GDPD1: variants seen among roughly 807,000 people sequenced by gnomAD.
GDPD1 encodes lysophospholipase D GDPD1.
GDPD1 carries 28 observed loss-of-function variants against 45.1 expected under a neutral mutation model. The ratio of observed to expected loss-of-function variants is 0.62; its 90% CI spans 0.46 to 0.85. The LOEUF is 0.85. Ranked by LOEUF, GDPD1 falls within the 40% of genes least tolerant of loss-of-function variation. GDPD1 has a pLI of 0.00. For synonymous variants in GDPD1, 139 were observed against 131.4 expected (o/e 1.06, Z -0.40); for missense variants, 256 against 364.8 (o/e 0.70, Z 2.43).
intron 7 of GDPD1, among the ~76,000 whole-genome samples, chr17:59,270,391 G>A (rs77369847): frequency 1.3e-5 from 2 of 151,474 alleles, no homozygotes; most frequent in African/African-American, 4.9e-5. Flanking sequence ...ACGGGGGGGG[G>A]TTTCACTATG....
chr17:59,225,231 A>G (rs1051611362), intron 1 of GDPD1, among the ~76,000 whole-genome samples: 1 of 151,302 alleles, frequency 6.6e-6, no homozygotes, highest in African/African-American at 2.4e-5. Context: ...AGCTGGGGTT[A>G]CAGGTGGTGC....
chr17:59,233,235 C>T (rs1347668729), intron 1 of GDPD1, among the ~76,000 whole-genome samples: 2 of 148,970 alleles, frequency 1.3e-5, no homozygotes, highest in Non-Finnish European at 3.0e-5. Flanking sequence ...CAAAACAGGC[C>T]GGGCGCGGTG....
At chr17:59,235,475 C>T (rs1188333138) in intron 2 of GDPD1, among the ~76,000 whole-genome samples, 1 of 152,144 alleles carries the variant, frequency 6.6e-6, no homozygotes, top group African/African-American at 2.4e-5. Context: ...TTGTTCTATA[C>T]TATGATGCCT....
At chr17:59,222,888 C>T (rs999300851) in intron 1 of GDPD1, among the ~76,000 whole-genome samples, 1 of 152,070 alleles carries the variant, frequency 6.6e-6, no homozygotes, top group African/African-American at 2.4e-5. Flanking sequence ...TTGTTGTTTA[C>T]CGATTTACAA....
intron 6 of GDPD1, among the ~76,000 whole-genome samples, chr17:59,263,175 G>A (rs1472448573): frequency 2.0e-5 from 3 of 152,018 alleles, no homozygotes; most frequent in Non-Finnish European, 4.4e-5. Flanking sequence ...TATACTACAG[G>A]TATGTACCAC....
intron 1 of GDPD1, 98 bp from the exon 2 acceptor site, chr17:59,234,394 A>G: frequency 1.3e-6 from 1 of 771,690 alleles, no homozygotes; most frequent in East Asian, 2.7e-5. Flanking sequence ...CCCCAAAAAA[A>G]AAAAAAAGGT....
chr17:59,257,146 A>T lies in GDPD1; in HGVS notation c.392A>T (p.Asn131Ile), dbSNP rs1457454680. The change falls in exon 5 of 10, where the codon AAC (asparagine) becomes ATC (isoleucine). Residue 131 changes from asparagine (N) to isoleucine (I), a missense_variant. Physicochemically the swap from Asn to Ile is moderately radical, Grantham distance 149. Coordinates refer to ENST00000284116, the MANE Select transcript of GDPD1 (RefSeq NM_182569.4). ...GCATGCCAGTGTGAAGGAAAAGATA[A>T]CCGAATTCCATTACTGAAGGAAGTT... ...QRACQCEGKD[N>I]RIPLLKEVFE... The T allele has an allele frequency of 8.1e-6, 13 of 1,598,888 alleles. No individual in the cohort carries two copies. The highest frequency in any genetic ancestry group is 1.3e-5 in the African/African-American group (1 of 74,496).
intron 6 of GDPD1, among the ~76,000 whole-genome samples, chr17:59,259,027 A>G (rs890698010): frequency 1.7e-4 from 25 of 151,384 alleles, no homozygotes; most frequent in African/African-American, 5.6e-4. Context: ...TCCTGAGAAC[A>G]TGTGCCTATT....
At chr17:59,247,676 C>G (rs1469651230) in intron 3 of GDPD1, among the ~76,000 whole-genome samples, 1 of 151,956 alleles carries the variant, frequency 6.6e-6, no homozygotes, top group African/African-American at 2.4e-5. Context: ...GTCACCCAGG[C>G]TGGAGTGCAA....
At chr17:59,225,241 C>T (rs2047038980) in intron 1 of GDPD1, among the ~76,000 whole-genome samples, 1 of 151,574 alleles carries the variant, frequency 6.6e-6, no homozygotes, top group African/African-American at 2.4e-5. Flanking sequence ...ACAGGTGGTG[C>T]CACCACGCCC....
At position 59,271,598 on chromosome 17, in the gene GDPD1, T is replaced by A. The variant is rs184721466; in HGVS notation, c.770+603T>A. ...TCACAACTTTTTATTATTTAACGCC[T>A]TTTCTTCTTATTTTATTTTATTTTA... On this transcript the variant is annotated intron_variant, in intron 8 of 9. Transcript: ENST00000284116. 9.8e-3 allele frequency among the ~76,000 whole-genome samples: 1,446 copies of A among 146,898 alleles called. 14 individuals are homozygous for A. The highest frequency in any genetic ancestry group is 0.015 in the Non-Finnish European group (1,006 of 67,524).
At chr17:59,260,000 G>A (rs1262443368) in intron 6 of GDPD1, among the ~76,000 whole-genome samples, 1 of 125,452 alleles carries the variant, frequency 8.0e-6, no homozygotes, top group African/African-American at 3.0e-5. Context: ...GACAGAGGTT[G>A]CAGTGAGCCA....
intron 8 of GDPD1, 138 bp downstream of exon 8, chr17:59,271,133 A>G: frequency 3.7e-6 from 2 of 542,240 alleles, no homozygotes; most frequent in South Asian, 2.6e-5. Context: ...TAAAATGTGT[A>G]TGAATCATTT....
intron 1 of GDPD1, among the ~76,000 whole-genome samples, chr17:59,225,884 G>A (rs2047043649): frequency 6.6e-6 from 1 of 151,828 alleles, no homozygotes; most frequent in African/African-American, 2.4e-5. Context: ...ACCATGCCCG[G>A]CTAATTTTTG....
At chr17:59,251,991 C>CAAAA (rs34224346) in intron 4 of GDPD1, among the ~76,000 whole-genome samples, 137 of 60,448 alleles carry the variant, frequency 2.3e-3, no homozygotes, top group African/African-American at 6.5e-3. Flanking sequence ...GACTCAGTCT[C>CAAAA]AAAAAAAAAA....
At chr17:59,223,708 G>A (rs2047023710) in intron 1 of GDPD1, among the ~76,000 whole-genome samples, 1 of 152,170 alleles carries the variant, frequency 6.6e-6, no homozygotes, top group South Asian at 2.1e-4. Context: ...TAAAGTATAT[G>A]CAACTGAATT....
At chr17:59,249,069 T>C in intron 4 of GDPD1, 1 of 227,210 alleles carries the variant, frequency 4.4e-6, no homozygotes, top group Non-Finnish European at 8.5e-6. Context: ...CAACTTATAT[T>C]AGTCATCCAT....
intron 1 of GDPD1, among the ~76,000 whole-genome samples, chr17:59,222,956 T>C (rs1294146981): frequency 6.6e-6 from 1 of 152,216 alleles, no homozygotes; most frequent in Non-Finnish European, 1.5e-5. Context: ...TAAAAAGCTA[T>C]CTAAACTGTC....
At chr17:59,252,556 A>G (rs951090121) in intron 4 of GDPD1, among the ~76,000 whole-genome samples, 6 of 151,708 alleles carry the variant, frequency 4.0e-5, no homozygotes, top group African/African-American at 7.3e-5. Context: ...AAATTAGCCA[A>G]TTGTGGTGGT....
Sources: gnomAD v4.1 joint callset for allele counts (sites outside exome capture counted in the v4.1 genomes callset) on GRCh38, gnomAD v4.1.1 for gene constraint, MANE v1.5 for transcripts, NCBI Gene and HGNC (gene_info 2026-07-23, HGNC 2026-07-21) for gene names.